Variants in ZNF514 observed in about 807,000 individuals in gnomAD.
ZNF514 encodes zinc finger protein 514.
ZNF514 carries 12 observed loss-of-function variants against 9.7 expected under a neutral mutation model. That is an observed-to-expected ratio of 1.24 (90% CI 0.79 to 2.01). The LOEUF (loss-of-function observed/expected upper bound fraction) is 2.01, where lower values mean the gene tolerates loss of function less well. ZNF514 is among the 30% of genes most tolerant of loss of function. ZNF514 has a pLI of 0.00. For missense variants in ZNF514, 467 were observed against 465.5 expected (o/e 1.00, Z -0.03); for synonymous variants, 158 against 163.7 (o/e 0.97, Z 0.27).
intron 1 of ZNF514, 64 bp from the exon 2 acceptor site, chr2:95,157,503 C>G: frequency 4.1e-6 from 4 of 971,868 alleles, no homozygotes; most frequent in Non-Finnish European, 4.3e-6. Flanking sequence ...TCTCAGACTT[C>G]CCAAGCCTGA....
At chr2:95,136,250 A>C in the ZNF514 span, among the ~76,000 whole-genome samples, 3 of 152,068 alleles carry the variant, frequency 2.0e-5, no homozygotes, top group Non-Finnish European at 2.9e-5. Flanking sequence ...CCAACTAATT[A>C]AACATCTACA....
chr2:95,128,758 AGAAG>A, the ZNF514 span, among the ~76,000 whole-genome samples: 1 of 150,844 alleles, frequency 6.6e-6, no homozygotes, highest in Non-Finnish European at 1.5e-5. Flanking sequence ...AAGGAGGAGA[AGAAG>A]AGGGAGAAAG....
Position 95,148,785 on chromosome 2 carries a change from G to A in ZNF514, c.*497C>T, listed in dbSNP as rs1673434090. The A allele has an allele frequency of 6.5e-6, 1 of 153,242 alleles. No individual in the cohort carries two copies. The highest frequency in any genetic ancestry group is 1.5e-5 in the Non-Finnish European group (1 of 68,830). The allele number at this position is 153,242 out of a possible 1,614,324, so 9.5% of individuals were successfully genotyped here. ...TAATAAGGGATGAGCCCTGACTGAA[G>A]GCCTTCCTCTATTTCCTGCTTTCAT... On this transcript the variant is annotated 3_prime_UTR_variant, in exon 5 of 5. Transcript: ENST00000295208.
chr2:95,141,463 A>G (rs1165924230), downstream of ZNF514, among the ~76,000 whole-genome samples: 1 of 152,150 alleles, frequency 6.6e-6, no homozygotes, highest in Non-Finnish European at 1.5e-5. Flanking sequence ...TGGTAACTGG[A>G]AGGCCCACTT....
At chr2:95,133,461 G>C in the ZNF514 span, among the ~76,000 whole-genome samples, 2 of 152,308 alleles carry the variant, frequency 1.3e-5, no homozygotes, top group Non-Finnish European at 1.5e-5. Context: ...AGTTAGGAAG[G>C]GGGTGGCAGC....
intron 2 of ZNF514, 97 bp from the exon 3 acceptor site, chr2:95,153,356 G>C: frequency 7.8e-7 from 1 of 1,279,668 alleles, no homozygotes; most frequent in South Asian, 2.0e-5. Flanking sequence ...CAGGCCTACA[G>C]AGACATTCTT....
At chr2:95,141,412 G>T (rs1220957555), downstream of ZNF514, among the ~76,000 whole-genome samples, 1 of 152,072 alleles carries the variant, frequency 6.6e-6, no homozygotes, top group Non-Finnish European at 1.5e-5. Flanking sequence ...GGGCCATTTG[G>T]TTCACTCCCC....
chr2:95,153,328 T>C (rs1175423994), intron 2 of ZNF514, 69 bp from the exon 3 acceptor site: 34 of 1,499,766 alleles, frequency 2.3e-5, no homozygotes, highest in Admixed American at 1.4e-4. Flanking sequence ...GGAAATATAA[T>C]CAGGGTCTCA....
rs201127287 is a variant in ZNF514, at chr2:95,152,721, C to A, written c.170G>T (p.Gly57Val). The change falls in exon 4 of 5, where the codon GGT becomes GTT. Residue 57 changes from glycine (G) to valine (V), a missense_variant. By Grantham distance (109) the Gly-to-Val change is moderately radical. Transcript: ENST00000295208. ...PYVICQLEEGGEPFMVEREIS... is the reference protein window; with the variant it reads ...PYVICQLEEGVEPFMVEREIS... ...TTCTCTCTCCACCATGAAGGGCTCA[C>A]CCCCTTCCTCCAACTGGCAGATCAC... 184 of 1,614,008 alleles carry A rather than the reference C, an allele frequency of 1.1e-4. No individual in the cohort carries two copies. In the Middle Eastern group the frequency reaches 1.6e-3, roughly 14 times the overall value.
In ZNF514 at chr2:95,152,559, G is replaced by T. The variant is rs780204520; in HGVS notation, c.217+115C>A. 5.5e-5 allele frequency: 43 copies of T among 786,068 alleles called. No individual in the cohort carries two copies. The Middle Eastern group carries it at 1.1e-3, about 20-fold the overall frequency. 48.7% of individuals were successfully genotyped at this position (786,068 alleles called of 1,614,324 possible). On this transcript the variant is annotated intron_variant, in intron 4 of 4. Coordinates refer to ENST00000295208, the MANE Select transcript of ZNF514 (RefSeq NM_032788.3). ...AAAATTCAACATACCAGAGTTGAGGGCTCCTGCCAAGTGATCTCATCTTCT... is the reference window on the plus strand; with the variant it reads ...AAAATTCAACATACCAGAGTTGAGGTCTCCTGCCAAGTGATCTCATCTTCT...
intron 2 of ZNF514, among the ~76,000 whole-genome samples, chr2:95,156,119 A>G (rs1483347226): frequency 6.6e-6 from 1 of 152,236 alleles, no homozygotes; most frequent in Non-Finnish European, 1.5e-5. Flanking sequence ...AAAAATATTT[A>G]ACTGCTATTT....
intron 2 of ZNF514, chr2:95,155,639 G>A (rs1383753370): frequency 1.3e-5 from 2 of 152,232 alleles, no homozygotes; most frequent in Non-Finnish European, 2.9e-5. Context: ...TTGTGTGCAG[G>A]AGAGAGGGAA....
In ZNF514 at chr2:95,145,835, C is replaced by A. The variant is rs985655569; in HGVS notation, c.*3447G>T. ...GTTAACCATACTCGTCAGTTTGAAC[C>A]CAGTGTCCTGCCCTCCAAAAATCCT... On this transcript the variant is annotated 3_prime_UTR_variant, in exon 5 of 5. Coordinates refer to ENST00000295208, the MANE Select transcript of ZNF514 (RefSeq NM_032788.3). Among the ~76,000 whole-genome samples, 1 of 152,182 alleles carries A rather than the reference C, an allele frequency of 6.6e-6. No homozygotes were observed. The highest frequency in any genetic ancestry group is 2.4e-5 in the African/African-American group (1 of 41,444).
the ZNF514 span, among the ~76,000 whole-genome samples, chr2:95,126,290 G>A: frequency 7.2e-6 from 1 of 138,734 alleles, no homozygotes; most frequent in Admixed American, 7.9e-5. Flanking sequence ...AGAATCACCT[G>A]AACCCAGGAG....
At chr2:95,135,868 G>A in the ZNF514 span, among the ~76,000 whole-genome samples, 15 of 151,856 alleles carry the variant, frequency 9.9e-5, no homozygotes, top group African/African-American at 2.7e-4. Context: ...TGAAGAGATC[G>A]AGACCATCCT....
intron 2 of ZNF514, 68 bp downstream of exon 2, chr2:95,157,283 T>G (rs755057564): frequency 5.6e-6 from 6 of 1,073,358 alleles, no homozygotes; most frequent in Non-Finnish European, 7.6e-6. Context: ...GAGGCTACTT[T>G]TTGGTGAAAA....
the ZNF514 span, among the ~76,000 whole-genome samples, chr2:95,128,416 G>A: frequency 6.6e-6 from 1 of 150,866 alleles, no homozygotes; most frequent in Non-Finnish European, 1.5e-5. Flanking sequence ...AAACAGCTGG[G>A]CATGGTGGTG....
At chr2:95,153,878 G>A (rs1437056512) in intron 2 of ZNF514, 1 of 152,160 alleles carries the variant, frequency 6.6e-6, no homozygotes, top group Admixed American at 6.5e-5. Context: ...CCACTAAAGA[G>A]CAAAATAGGT....
At position 95,148,903 on chromosome 2, in the gene ZNF514, C is replaced by T. The variant is rs1188209191; in HGVS notation, c.*379G>A. 1.1e-5 allele frequency: 2 copies of T among 187,420 alleles called. No homozygotes were observed. The highest frequency in any genetic ancestry group is 1.1e-4 in the Admixed American group (2 of 18,194). 11.6% of individuals were successfully genotyped at this position (187,420 alleles called of 1,614,324 possible). On this transcript the variant is annotated 3_prime_UTR_variant, in exon 5 of 5. Transcript: ENST00000295208. The stretch of plus-strand genomic sequence containing the variant: ...TACTTACCACACTTGTAGGATTTCT[C>T]TCCAGTACAAGTTATCTGATTTTCT...
Sources: gnomAD v4.1 joint callset for allele counts (sites outside exome capture counted in the v4.1 genomes callset) on GRCh38, gnomAD v4.1.1 for gene constraint, MANE v1.5 for transcripts, NCBI Gene and HGNC (gene_info 2026-07-23, HGNC 2026-07-21) for gene names.